The following XRRA1 variants were observed in gnomAD, a reference collection of about 807,000 sequenced individuals.
The protein encoded by XRRA1 is X-ray radiation resistance associated 1.
A neutral mutation model predicts 80.2 loss-of-function variants in XRRA1; 69 were observed. That is an observed-to-expected ratio of 0.86 (90% confidence interval 0.71 to 1.05). The LOEUF (loss-of-function observed/expected upper bound fraction) is 1.05, where lower values mean the gene tolerates loss of function less well. Among genes scored for constraint, XRRA1 ranks in the 50% least tolerant of loss-of-function variants. The pLI, the probability that XRRA1 is intolerant of heterozygous loss-of-function variation, is 0.00. For synonymous variants in XRRA1, 348 were observed against 389.9 expected (o/e 0.89, Z 1.27); for missense variants, 967 against 976.4 (o/e 0.99, Z 0.13).
intron 8 of XRRA1, among the ~76,000 whole-genome samples, chr11:74,916,398 T>C (rs1938688261): frequency 6.6e-6 from 1 of 152,170 alleles, no homozygotes; most frequent in South Asian, 2.1e-4. Flanking sequence ...ATACATTTAA[T>C]TGTTCTGTCT....
In XRRA1 at chr11:74,927,358, G is replaced by A. The variant is rs768454739; in HGVS notation, c.522+33C>T. ...TGCTCATTCCTTACAGGGGAACTTG[G>A]TGGGCACCAAAAACTCCCTACCTCC... is the stretch of plus-strand genomic sequence containing the variant. On this transcript the variant is annotated intron_variant, in intron 7 of 18. Coordinates refer to ENST00000684022, the MANE Select transcript of XRRA1 (RefSeq NM_001378157.1). 4.6e-6 allele frequency: 6 copies of A among 1,315,046 alleles called. No homozygotes were observed. In the Admixed American group the frequency reaches 1.0e-4, roughly 22 times the overall value. The allele number at this position is 1,315,046 out of a possible 1,614,324, so 81.5% of individuals were successfully genotyped here. A position where few individuals can be genotyped will look rare whatever the true frequency, so the allele number is the denominator to read the frequency against.
intron 8 of XRRA1, among the ~76,000 whole-genome samples, chr11:74,911,606 T>A (rs926560915): frequency 1.3e-5 from 2 of 152,184 alleles, no homozygotes; most frequent in Admixed American, 1.3e-4. Flanking sequence ...GGGGTCTTGC[T>A]ATGGTTGCCT....
chr11:74,863,335 C>T (rs1023813145), intron 10 of XRRA1: 6 of 373,764 alleles, frequency 1.6e-5, no homozygotes, highest in African/African-American at 1.2e-4. Context: ...TTCAGCCACA[C>T]TGACTGACCT....
At position 74,843,859 on chromosome 11, in the gene XRRA1, G is replaced by C; in HGVS notation, c.2144C>G (p.Pro715Arg). ...LRDPRNITEA[P>R]LGAVLHQWTE... Reference sequence around the variant, plus strand: ...CAGCTGTGGCAGAGCCGTACCTAGTGGAGCCTCTGTAATGTTCCGGGGATC... The same window carrying C: ...CAGCTGTGGCAGAGCCGTACCTAGTCGAGCCTCTGTAATGTTCCGGGGATC... The change falls in exon 18 of 19, where the codon CCA becomes CGA. Residue 715 changes from proline to arginine, a missense_variant. Coordinates refer to ENST00000684022, the MANE Select transcript of XRRA1 (RefSeq NM_001378157.1). The C allele has an allele frequency of 6.2e-7, 1 of 1,608,522 alleles. No homozygotes were observed. Among genetic ancestry groups the C allele is most frequent in the Non-Finnish European group, 8.5e-7 (1 of 1,177,322 alleles).
intron 12 of XRRA1, 101 bp from the exon 13 acceptor site, chr11:74,852,183 T>C (rs962461495): frequency 1.6e-5 from 16 of 988,798 alleles, no homozygotes; most frequent in Non-Finnish European, 2.4e-5. Context: ...TTGCTAGGAT[T>C]GGGGGTGGTA....
intron 14 of XRRA1, among the ~76,000 whole-genome samples, chr11:74,848,773 G>A (rs1340183494): frequency 6.6e-6 from 1 of 152,184 alleles, no homozygotes; most frequent in Non-Finnish European, 1.5e-5. Flanking sequence ...CCTGGACGAT[G>A]TAATTCCAGT....
intron 10 of XRRA1, among the ~76,000 whole-genome samples, chr11:74,869,649 G>A (rs2044304356): frequency 6.6e-6 from 1 of 152,132 alleles, no homozygotes; most frequent in Non-Finnish European, 1.5e-5. Flanking sequence ...AGATTAGTAT[G>A]GGGGCGACCA....
chr11:74,939,871 A>AAG (rs376199147), intron 3 of XRRA1, among the ~76,000 whole-genome samples: 83 of 150,310 alleles, frequency 5.5e-4, no homozygotes, highest in Admixed American at 4.4e-3. Flanking sequence ...GAGCGAGAGC[A>AAG]AGAGAGAGAG....
Position 74,845,056 on chromosome 11 carries a change from G to A in XRRA1, c.1927+17C>T, listed in dbSNP as rs778711549. ...AGATGGCCTCTTGCCCTAGAGCAAG[G>A]ATATGCCCTCACATACCCTTTGGCT... On this transcript the variant is annotated intron_variant, in intron 16 of 18. Transcript: ENST00000684022. 4.3e-6 allele frequency: 7 copies of A among 1,611,894 alleles called. No individual in the cohort carries two copies. The Admixed American group carries it at 1.2e-4, about 27-fold the overall frequency.
intron 1 of XRRA1, among the ~76,000 whole-genome samples, chr11:74,946,572 C>T (rs1010782068): frequency 2.6e-4 from 40 of 152,142 alleles, no homozygotes; most frequent in African/African-American, 9.4e-4. Flanking sequence ...GTCAATTAAA[C>T]CTCTTTCCTT....
intron 8 of XRRA1, chr11:74,911,568 C>T (rs1248455924): frequency 6.6e-6 from 1 of 152,154 alleles, no homozygotes; most frequent in Non-Finnish European, 1.5e-5. Context: ...AAAGATCCAT[C>T]ATTTTATTTA....
chr11:74,849,922 A>C (rs541503958), intron 14 of XRRA1, among the ~76,000 whole-genome samples: 1 of 152,234 alleles, frequency 6.6e-6, no homozygotes, highest in African/African-American at 2.4e-5. Flanking sequence ...CAGGGGTCTA[A>C]TCTGCATTTC....
chr11:74,924,526 T>G (rs1259913605), intron 7 of XRRA1, among the ~76,000 whole-genome samples: 1 of 148,862 alleles, frequency 6.7e-6, no homozygotes, highest in East Asian at 2.0e-4. Context: ...TATGTGAAGT[T>G]CAGATTTCAG....
At chr11:74,905,469 A>T (rs112457348) in intron 10 of XRRA1, among the ~76,000 whole-genome samples, 2 of 152,136 alleles carry the variant, frequency 1.3e-5, no homozygotes, top group African/African-American at 4.8e-5. Flanking sequence ...TTCCTGTTAG[A>T]CTCTGACAAT....
intron 6 of XRRA1, among the ~76,000 whole-genome samples, chr11:74,929,463 C>T (rs565018103): frequency 3.8e-5 from 5 of 133,032 alleles, no homozygotes; most frequent in African/African-American, 7.5e-5. Flanking sequence ...TATTTAAAAC[C>T]CTTCCAAGAC....
At chr11:74,856,849 G>A (rs2041219744) in intron 12 of XRRA1, among the ~76,000 whole-genome samples, 1 of 152,136 alleles carries the variant, frequency 6.6e-6, no homozygotes, top group South Asian at 2.1e-4. Flanking sequence ...AGCAAACCCT[G>A]TCAGCTTGGG....
intron 10 of XRRA1, among the ~76,000 whole-genome samples, chr11:74,869,503 C>G (rs1414836340): frequency 6.6e-6 from 1 of 152,114 alleles, no homozygotes; most frequent in African/African-American, 2.4e-5. Flanking sequence ...GCAGTTGTGC[C>G]AATAGAAAAG....
intron 10 of XRRA1, among the ~76,000 whole-genome samples, chr11:74,892,190 C>T (rs942844871): frequency 2.6e-5 from 4 of 152,148 alleles, no homozygotes; most frequent in African/African-American, 9.7e-5. Flanking sequence ...CAGCATGGTA[C>T]CGGTACCAAA....
intron 8 of XRRA1, among the ~76,000 whole-genome samples, chr11:74,920,806 G>GT (rs1342184615): frequency 1.3e-5 from 2 of 152,200 alleles, no homozygotes; most frequent in Non-Finnish European, 2.9e-5. Flanking sequence ...CTGGCACATT[G>GT]TAAGTACTAC....
Sources: allele counts gnomAD v4.1 joint callset (sites outside exome capture counted in the v4.1 genomes callset), GRCh38; gene constraint gnomAD v4.1.1; transcripts MANE v1.5; gene names NCBI Gene and HGNC (gene_info 2026-07-23, HGNC 2026-07-21).